Variants in SH3PXD2B observed in about 807,000 individuals in gnomAD.
SH3PXD2B encodes the protein SH3 and PX domain-containing protein 2B.
Under a neutral mutation model 73.1 loss-of-function variants are expected in SH3PXD2B, and 37 were observed. The observed-to-expected ratio is 0.51, with a 90% CI of 0.39 to 0.67. SH3PXD2B has a LOEUF of 0.67. Among genes scored for constraint, SH3PXD2B ranks in the 30% least tolerant of loss-of-function variants. The pLI, the probability that SH3PXD2B is intolerant of heterozygous loss-of-function variation, is 0.00. For missense variants in SH3PXD2B, 1,053 were observed against 1,197.8 expected, an observed-to-expected ratio of 0.88 and a Z score of 1.78; for synonymous variants, 457 against 480.5, an observed-to-expected ratio of 0.95 and a Z score of 0.64.
chr5:172,429,405 AG>A (rs779359014), intron 1 of SH3PXD2B, among the ~76,000 whole-genome samples: 257 of 152,300 alleles, frequency 1.7e-3, no homozygotes, highest in Non-Finnish European at 2.5e-3. Flanking sequence ...GGGGTTAGAG[AG>A]TCACGGAGGT....
chr5:172,422,837 A>T (rs746175676), intron 1 of SH3PXD2B, among the ~76,000 whole-genome samples: 4 of 152,216 alleles, frequency 2.6e-5, no homozygotes, highest in Non-Finnish European at 4.4e-5. Flanking sequence ...CTTGCCAGTC[A>T]TTCCTAAAAC....
intron 12 of SH3PXD2B, among the ~76,000 whole-genome samples, chr5:172,327,020 T>G (rs1191967793): frequency 6.6e-6 from 1 of 151,910 alleles, no homozygotes; most frequent in African/African-American, 2.4e-5. Flanking sequence ...CCACCAAGCC[T>G]GGCTGATTTT....
At chr5:172,433,806 G>A (rs1401203221) in intron 1 of SH3PXD2B, among the ~76,000 whole-genome samples, 1 of 152,170 alleles carries the variant, frequency 6.6e-6, no homozygotes, top group African/African-American at 2.4e-5. Flanking sequence ...TCCAGAAATG[G>A]AGAGATCTCT....
downstream of SH3PXD2B, among the ~76,000 whole-genome samples, chr5:172,330,967 G>C (rs1581253228): frequency 6.6e-6 from 1 of 152,226 alleles, no homozygotes; most frequent in African/African-American, 2.4e-5. Context: ...GGCCAAGGTG[G>C]GTGGATCACT....
At chr5:172,428,771 C>T (rs915060855) in intron 1 of SH3PXD2B, among the ~76,000 whole-genome samples, 1 of 152,050 alleles carries the variant, frequency 6.6e-6, no homozygotes. Context: ...GAGCTCTTGA[C>T]CTAGGTTCTA....
intron 10 of SH3PXD2B, among the ~76,000 whole-genome samples, chr5:172,347,635 AAC>A (rs1463164759): frequency 2.0e-5 from 3 of 147,360 alleles, no homozygotes; most frequent in Admixed American, 6.6e-5. Flanking sequence ...TCTTCAGAAT[AAC>A]ACAGAGATGG....
chr5:172,337,671 G>A lies in SH3PXD2B; in HGVS notation c.*698C>T, dbSNP rs563375592. 58 of 987,312 alleles carry A rather than the reference G, an allele frequency of 5.9e-5. No individual in the cohort carries two copies. The highest frequency in any genetic ancestry group is 4.4e-4 in the African/African-American group (25 of 57,228). The allele number at this position is 987,312 out of a possible 1,614,324, so 61.2% of individuals were successfully genotyped here. On this transcript the variant is annotated 3_prime_UTR_variant, in exon 13 of 13. Transcript: ENST00000311601. ...CCTGCAGCAGCAAAGCGCAGCATAC[G>A]CGGGGCTGGAACCACCCTTCAGGGC...
chr5:172,354,745 G>A lies in SH3PXD2B; in HGVS notation c.668-740C>T, dbSNP rs1264545297. Among the ~76,000 whole-genome samples the A allele has an allele frequency of 2.0e-5, 3 of 152,302 alleles. No individual in the cohort carries two copies. The South Asian group carries it at 6.2e-4, about 32-fold the overall frequency. On this transcript the variant is annotated intron_variant, in intron 8 of 12. Transcript: ENST00000311601. ...CTGATCTTCACTTTTTATTAATCATGTTCAAGTCTTTGAATCCAACCATGC... is the reference window on the plus strand; with the variant it reads ...CTGATCTTCACTTTTTATTAATCATATTCAAGTCTTTGAATCCAACCATGC...
chr5:172,344,269 A>C (rs576143267), intron 12 of SH3PXD2B, among the ~76,000 whole-genome samples: 2 of 152,268 alleles, frequency 1.3e-5, no homozygotes, highest in African/African-American at 4.8e-5. Flanking sequence ...GAAGAGAAAA[A>C]CAGAGCATAT....
chr5:172,410,412 G>T (rs530600256), intron 2 of SH3PXD2B, among the ~76,000 whole-genome samples: 2 of 152,312 alleles, frequency 1.3e-5, no homozygotes, highest in East Asian at 3.9e-4. Context: ...TGAGGCCACA[G>T]TGGGGACTTG....
At chr5:172,418,864 G>A (rs975409987) in intron 2 of SH3PXD2B, among the ~76,000 whole-genome samples, 5 of 152,186 alleles carry the variant, frequency 3.3e-5, no homozygotes, top group Admixed American at 2.6e-4. Context: ...AGTTCTGGTA[G>A]AAATAAGAAA....
intron 1 of SH3PXD2B, among the ~76,000 whole-genome samples, chr5:172,450,271 T>C (rs1031827910): frequency 1.3e-5 from 2 of 150,792 alleles, no homozygotes; most frequent in African/African-American, 4.9e-5. Context: ...TATAAGTGCA[T>C]GGGAATGATC....
intron 1 of SH3PXD2B, among the ~76,000 whole-genome samples, chr5:172,450,764 C>G (rs552279301): frequency 3.3e-5 from 5 of 152,112 alleles, no homozygotes; most frequent in East Asian, 1.9e-4. Flanking sequence ...CTTCCTCCCC[C>G]CAAGCTGAAG....
chr5:172,435,599 T>A (rs568316085), intron 1 of SH3PXD2B, among the ~76,000 whole-genome samples: 17 of 152,210 alleles, frequency 1.1e-4, no homozygotes, highest in African/African-American at 4.1e-4. Flanking sequence ...ATAAACAAAT[T>A]TTTTTGTAGA....
intron 1 of SH3PXD2B, among the ~76,000 whole-genome samples, chr5:172,449,927 T>C (rs893116064): frequency 2.0e-4 from 30 of 152,176 alleles, no homozygotes; most frequent in African/African-American, 7.2e-4. Context: ...TAAAACGAAC[T>C]GGAGCTAGCT....
At chr5:172,399,227 T>C (rs182025410) in intron 3 of SH3PXD2B, among the ~76,000 whole-genome samples, 239 of 152,346 alleles carry the variant, frequency 1.6e-3, no homozygotes, top group African/African-American at 5.5e-3. Flanking sequence ...AATGACATCT[T>C]GGGTGGTCCC....
At chr5:172,377,423 G>A (rs1326625034) in intron 5 of SH3PXD2B, among the ~76,000 whole-genome samples, 1 of 152,124 alleles carries the variant, frequency 6.6e-6, no homozygotes, top group Non-Finnish European at 1.5e-5. Flanking sequence ...GCCTGCTGTG[G>A]CCCCAGAACC....
At chr5:172,422,860 CAGG>C (rs559389732) in intron 1 of SH3PXD2B, among the ~76,000 whole-genome samples, 55 of 152,308 alleles carry the variant, frequency 3.6e-4, no homozygotes, top group African/African-American at 1.3e-3. Context: ...TGACTTTCAT[CAGG>C]AGAAGTCACG....
At chr5:172,384,721 T>A (rs138390245) in intron 4 of SH3PXD2B, among the ~76,000 whole-genome samples, 5 of 152,360 alleles carry the variant, frequency 3.3e-5, no homozygotes, top group African/African-American at 1.2e-4. Context: ...TATTCCATTG[T>A]CTGGATACAC....
Sources: gnomAD v4.1 joint callset for allele counts (sites outside exome capture counted in the v4.1 genomes callset) on GRCh38, gnomAD v4.1.1 for gene constraint, MANE v1.5 for transcripts, NCBI Gene and HGNC (gene_info 2026-07-23, HGNC 2026-07-21) for gene names.